Variants in RIN3 observed in about 807,000 individuals in gnomAD.
RIN3 encodes RAB5 interacting protein 3.
A neutral mutation model predicts 76.3 loss-of-function variants in RIN3; 54 were observed. The observed-to-expected ratio is 0.71, with a 90% CI of 0.57 to 0.89. The LOEUF (loss-of-function observed/expected upper bound fraction) is 0.89. Ranked by LOEUF, RIN3 falls within the 40% of genes least tolerant of loss-of-function variation. The probability of loss-of-function intolerance (pLI) is 0.00; values close to 1 mark genes in which losing one functional copy is unlikely to be tolerated. For missense variants in RIN3, 1,256 were observed against 1,322.1 expected (o/e 0.95, Z 0.78); for synonymous variants, 576 against 564.0 (o/e 1.02, Z -0.30).
At chr14:92,583,521 C>T (rs1172472748) in intron 3 of RIN3, among the ~76,000 whole-genome samples, 1 of 151,924 alleles carries the variant, frequency 6.6e-6, no homozygotes, top group Non-Finnish European at 1.5e-5. Context: ...TTTCCACATC[C>T]ACGGATTTAA....
At chr14:92,529,533 C>A (rs1896830763) in intron 1 of RIN3, among the ~76,000 whole-genome samples, 1 of 151,122 alleles carries the variant, frequency 6.6e-6, no homozygotes, top group Non-Finnish European at 1.5e-5. Flanking sequence ...CAGGCGTGAG[C>A]CACCGCACCC....
chr14:92,584,428 G>C (rs55840245), intron 3 of RIN3, among the ~76,000 whole-genome samples: 22,249 of 152,180 alleles, frequency 0.15, 2,504 homozygotes, highest in East Asian at 0.59. Context: ...CCTCCAGTAG[G>C]ATGGGAAGTC....
intron 3 of RIN3, among the ~76,000 whole-genome samples, chr14:92,584,782 TG>T (rs1884707594): frequency 6.6e-6 from 1 of 152,154 alleles, no homozygotes; most frequent in Admixed American, 6.5e-5. Context: ...TTTTCATTGA[TG>T]GGCTTTGAAG....
At chr14:92,559,270 A>G (rs1025889633) in intron 2 of RIN3, among the ~76,000 whole-genome samples, 4 of 152,150 alleles carry the variant, frequency 2.6e-5, no homozygotes, top group Non-Finnish European at 4.4e-5. Flanking sequence ...AGTCCACTAA[A>G]AAGATAAGTC....
chr14:92,583,209 TG>T (rs1277900268), intron 3 of RIN3, among the ~76,000 whole-genome samples: 2 of 152,184 alleles, frequency 1.3e-5, no homozygotes, highest in African/African-American at 4.8e-5. Context: ...GGCCTTTTGT[TG>T]GGGTTCCCCA....
rs572318532 is a variant in RIN3, at chr14:92,621,235, CAAA to C, written c.440+5774_440+5776del. Among the ~76,000 whole-genome samples the C allele has an allele frequency of 2.1e-4, 15 of 70,700 alleles. 2 individuals are homozygous for C. The East Asian group carries it at 4.1e-3, about 19-fold the overall frequency. 46.4% of individuals were successfully genotyped at this position (70,700 alleles called of 152,430 possible). On this transcript the variant is annotated intron_variant, in intron 4 of 9. Transcript: ENST00000216487. ...TGGGTGACAGAGCGAGACTCCGTCT[CAAA>C]AAAAAAAAAAAAAAAAAGAATTACC...
chr14:92,528,215 G>A (rs551959201), intron 1 of RIN3, among the ~76,000 whole-genome samples: 17 of 152,206 alleles, frequency 1.1e-4, no homozygotes, highest in Non-Finnish European at 1.9e-4. Flanking sequence ...TGCCCCGTGG[G>A]GGCGGGGAGG....
intron 2 of RIN3, among the ~76,000 whole-genome samples, chr14:92,575,900 C>G (rs1194018674): frequency 6.9e-6 from 1 of 145,084 alleles, no homozygotes; most frequent in East Asian, 2.0e-4. Context: ...TTTACCCAAC[C>G]CCTATTCAAG....
At chr14:92,585,090 G>A (rs371134753) in intron 3 of RIN3, among the ~76,000 whole-genome samples, 10 of 152,178 alleles carry the variant, frequency 6.6e-5, no homozygotes, top group African/African-American at 1.2e-4. Context: ...CACTGCAACC[G>A]CAGCTGCAAC....
At chr14:92,591,406 G>A in intron 3 of RIN3, among the ~76,000 whole-genome samples, 1 of 151,906 alleles carries the variant, frequency 6.6e-6, no homozygotes, top group Admixed American at 6.6e-5. Context: ...AAAAAGAAAG[G>A]CACAGAAAAA....
intron 3 of RIN3, among the ~76,000 whole-genome samples, chr14:92,590,983 G>A (rs894082207): frequency 6.6e-6 from 1 of 152,178 alleles, no homozygotes; most frequent in Non-Finnish European, 1.5e-5. Context: ...GAAGAGGTAT[G>A]GCAAGCATGA....
At chr14:92,646,633 T>C (rs1887210235) in intron 5 of RIN3, among the ~76,000 whole-genome samples, 1 of 152,158 alleles carries the variant, frequency 6.6e-6, no homozygotes, top group Admixed American at 6.5e-5. Context: ...AGAGATGGAG[T>C]TTCACCATGT....
At chr14:92,669,999 A>C (rs1348805984) in intron 7 of RIN3, among the ~76,000 whole-genome samples, 1 of 151,916 alleles carries the variant, frequency 6.6e-6, no homozygotes, top group Non-Finnish European at 1.5e-5. Flanking sequence ...GAGCTCAAGC[A>C]GTCCTCCTAC....
intron 4 of RIN3, 139 bp from the exon 5 acceptor site, chr14:92,641,099 G>T (rs2140130860): frequency 4.6e-6 from 3 of 658,972 alleles, no homozygotes; most frequent in East Asian, 2.7e-5. Context: ...CTCAGAGTCT[G>T]CCCCTCAGCT....
At chr14:92,683,123 C>T (rs143723990) in intron 8 of RIN3, among the ~76,000 whole-genome samples, 7 of 151,876 alleles carry the variant, frequency 4.6e-5, no homozygotes, top group South Asian at 4.2e-4. Context: ...GCCTAGATCA[C>T]GCCATTGCAC....
rs552635543 is a variant in RIN3 at position 92,555,669 on chromosome 14, G to A, written c.45-82G>A. 653 of 1,325,310 alleles carry A rather than the reference G, an allele frequency of 4.9e-4. 8 individuals carry two copies. The South Asian group carries it at 7.0e-3, about 14-fold the overall frequency. The allele number at this position is 1,325,310 out of a possible 1,614,324, so 82.1% of individuals were successfully genotyped here. On this transcript the variant is annotated intron_variant, in intron 1 of 9. Coordinates refer to ENST00000216487, the MANE Select transcript of RIN3 (RefSeq NM_024832.5). ...ACTACCTCATGCTGAATAAGTAAGC[G>A]TGGCTGAATGGAATCCCCAGGTGTT...
intron 8 of RIN3, among the ~76,000 whole-genome samples, chr14:92,683,092 G>C (rs1888724160): frequency 6.6e-6 from 1 of 152,120 alleles, no homozygotes; most frequent in African/African-American, 2.4e-5. Flanking sequence ...GCTTGAACCT[G>C]GGAGGCGGAG....
At chr14:92,612,824 G>A (rs1054031741) in intron 3 of RIN3, among the ~76,000 whole-genome samples, 7 of 152,238 alleles carry the variant, frequency 4.6e-5, no homozygotes, top group African/African-American at 1.2e-4. Flanking sequence ...GGGCCTCTGC[G>A]TCTAGCGTCG....
intron 4 of RIN3, among the ~76,000 whole-genome samples, chr14:92,621,324 C>T (rs961915547): frequency 6.7e-6 from 1 of 149,776 alleles, no homozygotes; most frequent in African/African-American, 2.5e-5. Flanking sequence ...GAGTCAAACT[C>T]TGTAAAATAT....
Sources: gnomAD v4.1 joint callset for allele counts (sites outside exome capture counted in the v4.1 genomes callset) on GRCh38, gnomAD v4.1.1 for gene constraint, MANE v1.5 for transcripts, NCBI Gene and HGNC (gene_info 2026-07-23, HGNC 2026-07-21) for gene names.